Variants in AGBL4 observed in about 807,000 individuals in gnomAD.
The protein encoded by AGBL4 is cytosolic carboxypeptidase 6.
In AGBL4, 58 loss-of-function variants were observed where a neutral mutation model predicts 66.4. That is an observed-to-expected ratio of 0.87 (90% confidence interval 0.71 to 1.09). The LOEUF (loss-of-function observed/expected upper bound fraction) is 1.09, where lower values mean the gene tolerates loss of function less well. AGBL4 is among the 50% of genes least tolerant of loss of function. The pLI, the probability that AGBL4 is intolerant of heterozygous loss-of-function variation, is 0.00. For missense variants in AGBL4, 579 were observed against 631.0 expected (o/e 0.92, Z 0.88); for synonymous variants, 234 against 222.9 (o/e 1.05, Z -0.44).
chr1:49,911,512 A>T (rs367813499), intron 1 of AGBL4, among the ~76,000 whole-genome samples: 1 of 152,200 alleles, frequency 6.6e-6, no homozygotes, highest in Non-Finnish European at 1.5e-5. Flanking sequence ...CAAATCAACA[A>T]ACTTGGGACA....
intron 4 of AGBL4, among the ~76,000 whole-genome samples, chr1:49,050,068 C>T (rs905799203): frequency 1.3e-5 from 2 of 152,188 alleles, no homozygotes; most frequent in African/African-American, 2.4e-5. Flanking sequence ...TGGCACAACA[C>T]TCGATCCTGC....
intron 1 of AGBL4, among the ~76,000 whole-genome samples, chr1:49,972,641 A>C (rs1339418603): frequency 6.6e-6 from 1 of 152,246 alleles, no homozygotes; most frequent in African/African-American, 2.4e-5. Context: ...TAGTACAATT[A>C]GACATTTTGA....
At chr1:48,789,832 T>A (rs758879288) in intron 6 of AGBL4, among the ~76,000 whole-genome samples, 4 of 152,140 alleles carry the variant, frequency 2.6e-5, no homozygotes, top group Non-Finnish European at 4.4e-5. Context: ...AACACTGTCT[T>A]TCCCAAGCCA....
intron 3 of AGBL4, among the ~76,000 whole-genome samples, chr1:49,309,074 A>T (rs1296340654): frequency 6.6e-6 from 1 of 152,120 alleles, no homozygotes; most frequent in Non-Finnish European, 1.5e-5. Flanking sequence ...GAGAAGGTAG[A>T]CTATAGTGAT....
chr1:48,926,912 TGTG>T (rs1654625345), intron 5 of AGBL4, among the ~76,000 whole-genome samples: 1 of 152,174 alleles, frequency 6.6e-6, no homozygotes, highest in African/African-American at 2.4e-5. Flanking sequence ...TGGTAGTTGT[TGTG>T]GTATTAATAC....
At chr1:49,703,006 A>G (rs1647129277) in intron 2 of AGBL4, among the ~76,000 whole-genome samples, 2 of 152,166 alleles carry the variant, frequency 1.3e-5, no homozygotes, top group South Asian at 4.1e-4. Flanking sequence ...AAGACTGAAC[A>G]TTATCCCTCT....
chr1:49,917,905 A>C (rs537729851), intron 1 of AGBL4, among the ~76,000 whole-genome samples: 1 of 152,340 alleles, frequency 6.6e-6, no homozygotes, highest in South Asian at 2.1e-4. Context: ...CAGTGCAATC[A>C]AACTAGAACT....
intron 2 of AGBL4, chr1:49,845,828 C>A: frequency 6.7e-7 from 1 of 1,503,688 alleles, no homozygotes; most frequent in Non-Finnish European, 9.2e-7. Context: ...GGAGAGAAGC[C>A]GTTCGACTGC....
intron 5 of AGBL4, among the ~76,000 whole-genome samples, chr1:49,029,368 A>G (rs1664025947): frequency 7.9e-5 from 12 of 152,202 alleles, no homozygotes; most frequent in Admixed American, 7.9e-4. Context: ...AAGGTTGCAG[A>G]ATGAAAATGC....
chr1:49,880,948 T>C (rs1278243736), intron 1 of AGBL4, among the ~76,000 whole-genome samples: 1 of 152,098 alleles, frequency 6.6e-6, no homozygotes, highest in East Asian at 1.9e-4. Context: ...ACCCCTTTCT[T>C]TGACTCGGAA....
At chr1:49,946,238 A>G (rs546655960) in intron 1 of AGBL4, among the ~76,000 whole-genome samples, 1 of 152,044 alleles carries the variant, frequency 6.6e-6, no homozygotes, top group South Asian at 2.1e-4. Flanking sequence ...ACATTCTACC[A>G]AACAACTGCA....
At chr1:48,876,667 T>C (rs550521294) in intron 5 of AGBL4, among the ~76,000 whole-genome samples, 4 of 152,296 alleles carry the variant, frequency 2.6e-5, no homozygotes, top group Admixed American at 2.0e-4. Flanking sequence ...ACCTCTTCTC[T>C]CTTCATGTGC....
At chr1:49,465,822 T>C (rs1028176774) in intron 3 of AGBL4, among the ~76,000 whole-genome samples, 2 of 151,836 alleles carry the variant, frequency 1.3e-5, no homozygotes, top group Non-Finnish European at 2.9e-5. Context: ...GAAAGTCTGA[T>C]GTTTATTCCC....
chr1:48,923,935 C>A (rs531284164), intron 5 of AGBL4, among the ~76,000 whole-genome samples: 1 of 152,244 alleles, frequency 6.6e-6, no homozygotes, highest in South Asian at 2.1e-4. Flanking sequence ...GAGATGAATG[C>A]AGCCAACCTT....
At chr1:49,472,478 G>A (rs1646764632) in intron 3 of AGBL4, among the ~76,000 whole-genome samples, 1 of 151,896 alleles carries the variant, frequency 6.6e-6, no homozygotes, top group South Asian at 2.1e-4. Context: ...GAAAAATTAA[G>A]TCTCAGAAAA....
chr1:48,650,488 T>C (rs947877923), intron 8 of AGBL4, among the ~76,000 whole-genome samples: 5 of 151,708 alleles, frequency 3.3e-5, no homozygotes, highest in Non-Finnish European at 7.4e-5. Context: ...CTTCTTTACT[T>C]CCTTCCTCCC....
At chr1:49,165,207 G>A (rs1646612126) in intron 4 of AGBL4, among the ~76,000 whole-genome samples, 1 of 151,946 alleles carries the variant, frequency 6.6e-6, no homozygotes, top group Non-Finnish European at 1.5e-5. Flanking sequence ...ATAATAACAA[G>A]AGCAAAGGCA....
intron 3 of AGBL4, among the ~76,000 whole-genome samples, chr1:49,432,978 A>G (rs1273109526): frequency 2.6e-5 from 4 of 152,140 alleles, no homozygotes; most frequent in Non-Finnish European, 5.9e-5. Flanking sequence ...CAATGATTTA[A>G]TCAATCATGC....
At chr1:49,074,437 C>T (rs1644672211) in intron 4 of AGBL4, among the ~76,000 whole-genome samples, 1 of 152,164 alleles carries the variant, frequency 6.6e-6, no homozygotes, top group Non-Finnish European at 1.5e-5. Context: ...AACCAGGTAC[C>T]TCAGTTGGAA....
Sources: allele counts gnomAD v4.1 joint callset (sites outside exome capture counted in the v4.1 genomes callset), GRCh38; gene constraint gnomAD v4.1.1; transcripts MANE v1.5; gene names NCBI Gene and HGNC (gene_info 2026-07-23, HGNC 2026-07-21).